Variants in NOTCH2 observed in about 807,000 individuals in gnomAD.
The protein encoded by NOTCH2 is notch receptor 2.
In NOTCH2, 29 loss-of-function variants were observed where a neutral mutation model predicts 235.8. The ratio of observed to expected loss-of-function variants is 0.12; its 90% CI spans 0.09 to 0.17. The LOEUF is 0.17. NOTCH2 is among the 10% of genes least tolerant of loss of function. The pLI, the probability that NOTCH2 is intolerant of heterozygous loss-of-function variation, is 1.00. For missense variants in NOTCH2, 2,285 were observed against 3,150.2 expected, an observed-to-expected ratio of 0.73 and a Z score of 6.57; for synonymous variants, 1,086 against 1,141.5, an observed-to-expected ratio of 0.95 and a Z score of 0.98.
intron 4 of NOTCH2, among the ~76,000 whole-genome samples, chr1:119,987,584 T>C (rs886921080): frequency 6.6e-6 from 1 of 152,142 alleles, no homozygotes; most frequent in Non-Finnish European, 1.5e-5. Context: ...ACTTAAAGTA[T>C]GAAGATATGG....
chr1:119,959,992 T>C (rs1349341608), intron 11 of NOTCH2, among the ~76,000 whole-genome samples: 1 of 152,190 alleles, frequency 6.6e-6, no homozygotes, highest in African/African-American at 2.4e-5. Context: ...ACATAAAGCA[T>C]TTCTGTGGCA....
Position 119,920,267 on chromosome 1 carries a change from T to C in NOTCH2, c.5441A>G (p.Gln1814Arg), listed in dbSNP as rs2101151335. The C allele has an allele frequency of 6.2e-7, 1 of 1,614,164 alleles. No homozygotes were observed. Among genetic ancestry groups the C allele is most frequent in the East Asian group, 2.2e-5 (1 of 44,882 alleles). ...SLALTPPQAEQEVDVLDVNVR... is the reference protein window; with the variant it reads ...SLALTPPQAEREVDVLDVNVR... ...ATTCACATCTAACACATCCACCTCC[T>C]GCTCTGCCTGAGGAGGGGTGAGAGC... Residue 1814 changes from glutamine to arginine, a missense_variant, in exon 30 of 34, where the codon CAG (glutamine) becomes CGG (arginine). Physicochemically the swap from Gln to Arg is conservative, Grantham distance 43 (BLOSUM62 1). Coordinates refer to ENST00000256646, the MANE Select transcript of NOTCH2 (RefSeq NM_024408.4).
At chr1:119,981,910 C>T (rs1336215830) in intron 5 of NOTCH2, among the ~76,000 whole-genome samples, 1 of 151,782 alleles carries the variant, frequency 6.6e-6, no homozygotes, top group African/African-American at 2.4e-5. Flanking sequence ...GTAGTATTCT[C>T]TCTCAATCAA....
chr1:120,011,380 C>G (rs190993705), intron 2 of NOTCH2, among the ~76,000 whole-genome samples: 43 of 152,272 alleles, frequency 2.8e-4, no homozygotes, highest in Admixed American at 7.8e-4. Flanking sequence ...ACACGTAGCC[C>G]TTCAAGAATC....
intron 3 of NOTCH2, among the ~76,000 whole-genome samples, chr1:120,003,644 T>C (rs1652850818): frequency 1.3e-5 from 2 of 151,744 alleles, no homozygotes; most frequent in Non-Finnish European, 2.9e-5. Context: ...ATAAACACTT[T>C]TGAATAAAGC....
intron 22 of NOTCH2, among the ~76,000 whole-genome samples, chr1:119,929,578 A>G (rs782285039): frequency 1.3e-5 from 2 of 152,232 alleles, no homozygotes; most frequent in Non-Finnish European, 2.9e-5. Flanking sequence ...AAACAGTCCA[A>G]AAAAGAACAT....
rs372042723 is a variant in NOTCH2, at chr1:120,011,994, C to T, written c.156-6406G>A. ...TCGCGCCACTGCACTCCAGCCTGGG[C>T]GACAGAGCGAGACTCCCTCTCAAAA... On this transcript the variant is annotated intron_variant, in intron 2 of 33. Coordinates refer to ENST00000256646, the MANE Select transcript of NOTCH2 (RefSeq NM_024408.4). 1.8e-3 allele frequency among the ~76,000 whole-genome samples: 250 copies of T among 139,770 alleles called. No homozygotes were observed. The East Asian group carries it at 0.033, about 19-fold the overall frequency. 91.7% of individuals were successfully genotyped at this position (139,770 alleles called of 152,430 possible).
intron 22 of NOTCH2, among the ~76,000 whole-genome samples, chr1:119,932,878 T>C (rs1257811416): frequency 6.6e-6 from 1 of 152,170 alleles, no homozygotes; most frequent in Non-Finnish European, 1.5e-5. Context: ...GGCGATTACA[T>C]GTTTGCAGGA....
intron 7 of NOTCH2, 112 bp from the exon 8 acceptor site, chr1:119,967,733 T>C: frequency 1.1e-6 from 1 of 909,158 alleles, no homozygotes; most frequent in East Asian, 2.5e-5. Context: ...TTCAATAATA[T>C]CATTCCCAAT....
intron 2 of NOTCH2, among the ~76,000 whole-genome samples, chr1:120,013,905 C>T (rs587710267): frequency 1.3e-5 from 2 of 151,678 alleles, no homozygotes; most frequent in African/African-American, 2.4e-5. Context: ...ACCCAACAAC[C>T]CTTACATATC....
At position 120,037,951 on chromosome 1, in the gene NOTCH2, C is replaced by G. The variant is rs587624756; in HGVS notation, c.74-7964G>C. Among the ~76,000 whole-genome samples, 335 of 152,062 alleles carry G rather than the reference C, an allele frequency of 2.2e-3. 1 individual carries two copies. Among genetic ancestry groups the G allele is most frequent in the African/African-American group, 7.4e-3 (309 of 41,496 alleles). Reference sequence around the variant, plus strand: ...TTGTATTACTAATAGACTTTTCATACTATAAAAAAATCATTCCAGTTAGCT... The same window carrying G: ...TTGTATTACTAATAGACTTTTCATAGTATAAAAAAATCATTCCAGTTAGCT... On this transcript the variant is annotated intron_variant, in intron 1 of 33. Coordinates refer to ENST00000256646, the MANE Select transcript of NOTCH2 (RefSeq NM_024408.4).
chr1:119,933,012 T>C (rs587698842), intron 22 of NOTCH2, among the ~76,000 whole-genome samples: 1 of 152,086 alleles, frequency 6.6e-6, no homozygotes, highest in Non-Finnish European at 1.5e-5. Context: ...ATACATAGAG[T>C]AAATTGAAAA....
chr1:120,039,046 T>G (rs1226382457), intron 1 of NOTCH2, among the ~76,000 whole-genome samples: 1 of 145,704 alleles, frequency 6.9e-6, no homozygotes, highest in Non-Finnish European at 1.5e-5. Flanking sequence ...TAGTATTATC[T>G]TCCCCATGAG....
intron 33 of NOTCH2, among the ~76,000 whole-genome samples, chr1:119,917,351 C>G (rs2493395): frequency 0.022 from 3,327 of 151,746 alleles, 121 homozygotes; most frequent in African/African-American, 0.076. Flanking sequence ...AGAAAGAAAA[C>G]GAGAAAAAGA....
In NOTCH2 at chr1:120,029,988, C is replaced by T. The variant is rs1654028970; in HGVS notation, c.74-1G>A. Reference sequence around the variant, plus strand: ...TCATAGCCATCTCGACACTGCAATGCTAAAAATAAAAACAAATGCACATTA... The same window carrying T: ...TCATAGCCATCTCGACACTGCAATGTTAAAAATAAAAACAAATGCACATTA... On this transcript the variant is annotated splice_acceptor_variant, in intron 1 of 33. Transcript: ENST00000256646. LOFTEE classifies it high-confidence loss of function. The T allele has an allele frequency of 1.6e-6, 1 of 616,910 alleles. No homozygotes were observed. The highest frequency in any genetic ancestry group is 2.8e-5 in the East Asian group (1 of 36,164). The allele number at this position is 616,910 out of a possible 1,614,324, so 38.2% of individuals were successfully genotyped here.
rs1190328644 is a variant in NOTCH2, at chr1:119,921,797, C to G, written c.5226G>C (p.Val1742=). 6.2e-7 allele frequency: 1 copy of G among 1,613,012 alleles called. No homozygotes were observed. The highest frequency in any genetic ancestry group is 1.1e-5 in the South Asian group (1 of 91,046). The change falls in exon 29 of 34, where the codon GTG becomes GTC. Residue 1742 remains valine (V), a synonymous_variant. Coordinates refer to ENST00000256646, the MANE Select transcript of NOTCH2 (RefSeq NM_024408.4). ...QDAVGLKNLS[V]QVSEANLIGT... is the part of the protein sequence containing the mutation. ...CAATTAGGTTAGCTTCTGAGACTTG[C>G]ACTGAGAGATTTCTAATATGATTAT...
At chr1:120,064,581 A>C (rs1427642570) in intron 1 of NOTCH2, among the ~76,000 whole-genome samples, 1 of 152,126 alleles carries the variant, frequency 6.6e-6, no homozygotes, top group Non-Finnish European at 1.5e-5. Flanking sequence ...GGCACATGCC[A>C]GACAAGTTCT....
At chr1:120,068,663 A>ATTTT (rs1357738786) in intron 1 of NOTCH2, 1 of 294,654 alleles carries the variant, frequency 3.4e-6, no homozygotes, top group Admixed American at 5.1e-5. Flanking sequence ...AGCAGTTGAG[A>ATTTT]TTTTTAAATC....
At chr1:120,041,992 A>T (rs1295837636) in intron 1 of NOTCH2, among the ~76,000 whole-genome samples, 1 of 146,964 alleles carries the variant, frequency 6.8e-6, no homozygotes, top group East Asian at 1.9e-4. Context: ...AAAGGGAAAG[A>T]GAGAAAGAGC....
Sources: gnomAD v4.1 joint callset for allele counts (sites outside exome capture counted in the v4.1 genomes callset) on GRCh38, gnomAD v4.1.1 for gene constraint, MANE v1.5 for transcripts, NCBI Gene and HGNC (gene_info 2026-07-23, HGNC 2026-07-21) for gene names.